The following BCORL1 variants were observed in gnomAD, a reference collection of about 807,000 sequenced individuals.
BCORL1 encodes BCL-6 corepressor-like protein 1.
Under a neutral mutation model 87.6 loss-of-function variants are expected in BCORL1, and 7 were observed. The ratio of observed to expected loss-of-function variants is 0.08; its 90% CI spans 0.05 to 0.15. BCORL1 has a LOEUF of 0.15. Ranked by LOEUF, BCORL1 falls within the 10% of genes least tolerant of loss-of-function variation. BCORL1 has a pLI of 1.00. For missense variants in BCORL1, 1,215 were observed against 1,499.7 expected (o/e 0.81, Z 3.13); for synonymous variants, 591 against 634.4 (o/e 0.93, Z 1.03).
At chrX:129,981,220 G>A (rs1367220111), upstream of BCORL1, 8 of 110,969 alleles carry the variant, frequency 7.2e-5, no homozygotes, top group African/African-American at 2.3e-4. Context: ...CCACCTCTTA[G>A]CATCTGGATT....
Position 130,050,707 on chromosome X carries a change from C to T in BCORL1, c.4841-10C>T. ...CCTCCTTGTCTCACTGCCTGCTCTT[C>T]TTTCATCAGATCACCTCTCGGATCT... On this transcript the variant is annotated splice_polypyrimidine_tract_variant and intron_variant, in intron 11 of 13. Coordinates refer to ENST00000540052, the MANE Select transcript of BCORL1 (RefSeq NM_001379451.1). The T allele has an allele frequency of 1.7e-6, 2 of 1,209,480 alleles. No homozygotes were observed. Among genetic ancestry groups the T allele is most frequent in the Non-Finnish European group, 2.2e-6 (2 of 893,358 alleles).
chrX:130,013,775 A>G lies in BCORL1; in HGVS notation c.1003A>G (p.Thr335Ala). Reference protein sequence around the residue: ...APTLVLAPVPTPVLAPMPAST... With the variant: ...APTLVLAPVPAPVLAPMPAST... ...GACCTTGGTTCTCGCTCCCGTCCCC[A>G]CTCCGGTTCTGGCTCCCATGCCAGC... is the stretch of plus-strand genomic sequence containing the variant. The change falls in exon 4 of 14, where the codon ACT (threonine) becomes GCT (alanine). Residue 335 changes from threonine (T) to alanine (A), a missense_variant. By Grantham distance (58) the Thr-to-Ala change is moderately conservative. Around this residue, in one of 5 missense-constraint regions of BCORL1, gnomAD observed 861 missense variants for 1,010.0 expected, o/e 0.85. Transcript: ENST00000540052. 1.7e-6 allele frequency: 2 copies of G among 1,168,676 alleles called. No homozygotes were observed. Among genetic ancestry groups the G allele is most frequent in the Non-Finnish European group, 1.1e-6 (1 of 875,740 alleles).
intron 5 of BCORL1, among the ~76,000 whole-genome samples, chrX:130,022,083 G>A (rs1468527344): frequency 1.8e-5 from 2 of 109,817 alleles, no homozygotes; most frequent in Non-Finnish European, 1.9e-5. Context: ...CACTGCGTCC[G>A]GCCTCATCTG....
chrX:130,028,973 T>G, intron 8 of BCORL1, 112 bp downstream of exon 8: 2 of 594,581 alleles, frequency 3.4e-6, no homozygotes, highest in African/African-American at 2.3e-5. Flanking sequence ...TAGTAAGGCA[T>G]TCTCAAACTA....
chrX:130,030,046 C>G (rs1319974422), intron 8 of BCORL1, among the ~76,000 whole-genome samples: 9 of 111,436 alleles, frequency 8.1e-5, no homozygotes, highest in Non-Finnish European at 1.7e-4. Flanking sequence ...TTCCCCTTCC[C>G]CCTCCCAGAA....
At chrX:129,987,471 C>T (rs1353103246) in intron 1 of BCORL1, among the ~76,000 whole-genome samples, 1 of 111,734 alleles carries the variant, frequency 8.9e-6, no homozygotes, top group African/African-American at 3.3e-5. Context: ...CCAGGCCTTA[C>T]ACATCTAAAC....
rs1408432015 is a variant in BCORL1 at position 130,057,435 on chromosome X, C to T, written c.*1299C>T. 8.9e-6 allele frequency: 1 copy of T among 111,753 alleles called. No individual in the cohort carries two copies. Among genetic ancestry groups the T allele is most frequent in the Non-Finnish European group, 1.9e-5 (1 of 53,125 alleles). 9.2% of individuals were successfully genotyped at this position (111,753 alleles called of 1,213,427 possible). A position where few individuals can be genotyped will look rare whatever the true frequency, so the allele number is the denominator to read the frequency against. ...AGAGAGAGAGGAGCTTGGGTTGCTT[C>T]CCTGTCCCCGCCCCCTCTGTGGCAT... On this transcript the variant is annotated 3_prime_UTR_variant, in exon 14 of 14. Transcript: ENST00000540052.
intron 8 of BCORL1, among the ~76,000 whole-genome samples, chrX:130,033,890 G>C (rs757600280): frequency 9.0e-6 from 1 of 110,880 alleles, no homozygotes; most frequent in Non-Finnish European, 1.9e-5. Context: ...GCTGAGGGAG[G>C]AGAATCCCTT....
intron 1 of BCORL1, among the ~76,000 whole-genome samples, chrX:129,988,870 TTTGTGGAGAAGTGCACCGTA>T (rs1926831044): frequency 8.9e-6 from 1 of 111,753 alleles, no homozygotes. Context: ...TTTTCCAAGT[TTTGTGGAGAAGTGCACCGTA>T]TATGACTATG....
chrX:130,046,645 C>T (rs1255331142), intron 11 of BCORL1, among the ~76,000 whole-genome samples: 1 of 110,864 alleles, frequency 9.0e-6, no homozygotes, highest in Non-Finnish European at 1.9e-5. Context: ...CTCCTGGGTT[C>T]ACACCATTCT....
chrX:130,016,664 T>C (rs1172773147), intron 4 of BCORL1, among the ~76,000 whole-genome samples: 3 of 111,917 alleles, frequency 2.7e-5, no homozygotes, highest in East Asian at 5.6e-4. Context: ...TCACCACTGG[T>C]TGGGGGGCCT....
chrX:130,037,854 G>A (rs1207845317), intron 10 of BCORL1, among the ~76,000 whole-genome samples: 1 of 111,747 alleles, frequency 8.9e-6, no homozygotes, highest in Non-Finnish European at 1.9e-5. Flanking sequence ...CCATGCCATT[G>A]CACTCCAGCC....
intron 1 of BCORL1, among the ~76,000 whole-genome samples, chrX:130,003,374 CTTT>C (rs59574323): frequency 3.5e-4 from 32 of 91,490 alleles, no homozygotes; most frequent in South Asian, 1.9e-3. Context: ...TCTTCTTCTT[CTTT>C]TTTTTTTTTT....
In BCORL1 at chrX:130,025,081, C is replaced by T. The variant is rs138877378; in HGVS notation, c.3780C>T (p.Pro1260=). ...CAGAAGAAGAAGAGGAGGTAACCCC[C>T]ACCCCAGCTAAGCGTCGAAAGGTGA... ...FPTEEEEEVT[P]TPAKRRKVRK... The change falls in exon 7 of 14, where the codon CCC becomes CCT. Residue 1260 remains proline, a synonymous_variant. Transcript: ENST00000540052. The T allele has an allele frequency of 2.2e-3, 2,611 of 1,210,234 alleles. 34 individuals carry two copies. The South Asian group carries it at 0.042, about 20-fold the overall frequency.
At position 129,982,661 on chromosome X, in the gene BCORL1, C is replaced by T. The variant is rs748674971; in HGVS notation, c.-146C>T. 9.0e-6 allele frequency: 1 copy of T among 111,579 alleles called. No individual in the cohort carries two copies. The highest frequency in any genetic ancestry group is 3.3e-5 in the African/African-American group (1 of 30,653). The allele number at this position is 111,579 out of a possible 1,213,427, so 9.2% of individuals were successfully genotyped here. On this transcript the variant is annotated 5_prime_UTR_variant, in exon 1 of 14. Coordinates refer to ENST00000540052, the MANE Select transcript of BCORL1 (RefSeq NM_001379451.1). Reference sequence around the variant, plus strand: ...CTCTTTCGCTCGCCGCGGCTGCTGCCAGTGTGTGGCTCTGTCTCTCCTCCG... The same window carrying T: ...CTCTTTCGCTCGCCGCGGCTGCTGCTAGTGTGTGGCTCTGTCTCTCCTCCG...
chrX:130,012,082 G>A (rs1211871744), intron 2 of BCORL1, among the ~76,000 whole-genome samples: 2 of 111,860 alleles, frequency 1.8e-5, no homozygotes, highest in African/African-American at 6.5e-5. Flanking sequence ...CACAACAGGG[G>A]TTTATTTGTT....
upstream of BCORL1, chrX:129,981,261 C>T (rs1427044202): frequency 9.0e-6 from 1 of 111,066 alleles, no homozygotes; most frequent in Non-Finnish European, 1.9e-5. Flanking sequence ...GCGGACCCTC[C>T]CCGCCACAGT....
intron 2 of BCORL1, among the ~76,000 whole-genome samples, chrX:130,007,447 G>T (rs944146855): frequency 8.9e-6 from 1 of 112,535 alleles, no homozygotes; most frequent in Admixed American, 9.4e-5. Context: ...AGGTCATGTT[G>T]ACCTAGTTAT....
rs1462289823 is a variant in BCORL1 at position 130,056,168 on chromosome X, T to G, written c.*32T>G. 3 of 1,121,608 alleles carry G rather than the reference T, an allele frequency of 2.7e-6. No individual in the cohort carries two copies. The highest frequency in any genetic ancestry group is 4.4e-5 in the South Asian group (2 of 45,049). 92.4% of individuals were successfully genotyped at this position (1,121,608 alleles called of 1,213,427 possible). On this transcript the variant is annotated 3_prime_UTR_variant, in exon 14 of 14. Coordinates refer to ENST00000540052, the MANE Select transcript of BCORL1 (RefSeq NM_001379451.1). ...AAACAGCCCCTCCTCTTCTTTCTCCTTCCGAGTTCGCCCTTCCCCCACCTC... is the reference window on the plus strand; with the variant it reads ...AAACAGCCCCTCCTCTTCTTTCTCCGTCCGAGTTCGCCCTTCCCCCACCTC...
Sources: allele counts gnomAD v4.1 joint callset (sites outside exome capture counted in the v4.1 genomes callset), GRCh38; gene constraint gnomAD v4.1.1; regional missense constraint gnomAD v4.1.1; transcripts MANE v1.5; gene names NCBI Gene and HGNC (gene_info 2026-07-23, HGNC 2026-07-21).